SORCS3: variants seen among roughly 807,000 people sequenced by gnomAD.
SORCS3 encodes VPS10 domain-containing receptor SorCS3.
Under a neutral mutation model 146.3 loss-of-function variants are expected in SORCS3, and 57 were observed. The ratio of observed to expected loss-of-function variants is 0.39; its 90% CI spans 0.31 to 0.49. The LOEUF (loss-of-function observed/expected upper bound fraction) is 0.49. SORCS3 is among the 20% of genes least tolerant of loss of function. The pLI is 0.92. For missense variants in SORCS3, 1,341 were observed against 1,575.5 expected, an observed-to-expected ratio of 0.85 and a Z score of 2.52; for synonymous variants, 653 against 618.5, an observed-to-expected ratio of 1.06 and a Z score of -0.83.
At chr10:105,252,947 C>G (rs780686893) in intron 23 of SORCS3, 41 bp downstream of exon 23, 2 of 1,602,896 alleles carry the variant, frequency 1.2e-6, no homozygotes, top group Non-Finnish European at 1.7e-6. Flanking sequence ...TGCCTGCACC[C>G]TACACCCTGA....
intron 23 of SORCS3, among the ~76,000 whole-genome samples, chr10:105,254,672 G>A (rs1261214116): frequency 6.6e-6 from 1 of 151,824 alleles, no homozygotes; most frequent in Non-Finnish European, 1.5e-5. Context: ...GGTGGCACGT[G>A]CCTATAATCC....
chr10:104,963,446 A>T (rs1018622781), intron 3 of SORCS3, among the ~76,000 whole-genome samples: 2 of 152,078 alleles, frequency 1.3e-5, no homozygotes, highest in Non-Finnish European at 2.9e-5. Flanking sequence ...TCTTTCCTTG[A>T]TTTTAAGAGT....
intron 3 of SORCS3, among the ~76,000 whole-genome samples, chr10:104,952,255 G>GAAAAAAA (rs55880149): frequency 2.5e-5 from 1 of 40,622 alleles, no homozygotes; most frequent in Admixed American, 4.8e-4. Context: ...ATGAATGTTT[G>GAAAAAAA]AAAAAAAAAA....
chr10:105,199,988 T>C lies in SORCS3; in HGVS notation c.2010-11T>C. 6.2e-7 allele frequency: 1 copy of C among 1,609,236 alleles called. No individual in the cohort carries two copies. Among genetic ancestry groups the C allele is most frequent in the Non-Finnish European group, 8.5e-7 (1 of 1,175,920 alleles). On this transcript the variant is annotated splice_polypyrimidine_tract_variant and intron_variant, in intron 14 of 26. Coordinates refer to ENST00000369701, the MANE Select transcript of SORCS3 (RefSeq NM_014978.3). Reference sequence around the variant, plus strand: ...CCCCTTGTGTCTCCCACTCCTCCCCTAAACACTTAGAGTTTTTGGCCACTT... The same window carrying C: ...CCCCTTGTGTCTCCCACTCCTCCCCCAAACACTTAGAGTTTTTGGCCACTT...
rs529297223 is a variant in SORCS3, at chr10:105,000,187, G to A, written c.954+22694G>A. On this transcript the variant is annotated intron_variant, in intron 4 of 26. Transcript: ENST00000369701. ...TATTTAGGGTACAGAAGAAAACAGA[G>A]TGGGAATAGAAACTATTAAGTACCT... is the stretch of plus-strand genomic sequence containing the variant. Among the ~76,000 whole-genome samples the A allele has an allele frequency of 1.1e-4, 16 of 152,266 alleles. No homozygotes were observed. The East Asian group carries it at 3.1e-3, about 29-fold the overall frequency.
At chr10:104,858,123 T>C (rs2133558266) in intron 2 of SORCS3, among the ~76,000 whole-genome samples, 1 of 152,354 alleles carries the variant, frequency 6.6e-6, no homozygotes, top group Non-Finnish European at 1.5e-5. Context: ...CTTTTGTGAA[T>C]ATTTAAATTC....
At chr10:105,062,026 G>A (rs2055491307) in intron 5 of SORCS3, among the ~76,000 whole-genome samples, 1 of 152,178 alleles carries the variant, frequency 6.6e-6, no homozygotes, top group African/African-American at 2.4e-5. Flanking sequence ...GGGGATTCAG[G>A]TGGCATCCAC....
chr10:104,641,705 C>A lies in SORCS3; in HGVS notation c.378C>A (p.Gly126=). The change falls in exon 1 of 27, where the codon GGC becomes GGA. Residue 126 remains glycine, a synonymous_variant. Coordinates refer to ENST00000369701, the MANE Select transcript of SORCS3 (RefSeq NM_014978.3). This position sits in a 1 kb window ranked among gnomAD's most constrained non-coding sequence, Gnocchi z 6.4. ...GCATCCCAGCTCCTGCCAAGCTTGG[C>A]GGCGCGAGGAGGAGTCGCCGGGCGC... ...GRGIPAPAKL[G]GARRSRRAQP... 1 of 1,537,418 alleles carries A rather than the reference C, an allele frequency of 6.5e-7. No homozygotes were observed. Among genetic ancestry groups the A allele is most frequent in the South Asian group, 1.2e-5 (1 of 83,060 alleles).
chr10:105,072,287 T>C (rs2055561676), intron 5 of SORCS3, among the ~76,000 whole-genome samples: 1 of 152,162 alleles, frequency 6.6e-6, no homozygotes, highest in Non-Finnish European at 1.5e-5. Flanking sequence ...GTTAGCCCTT[T>C]TAGCAATTGA....
intron 5 of SORCS3, among the ~76,000 whole-genome samples, chr10:105,067,048 T>G (rs1219052703): frequency 2.6e-5 from 4 of 152,232 alleles, no homozygotes; most frequent in Non-Finnish European, 5.9e-5. Flanking sequence ...TTAGGGGTTT[T>G]GCTTCATCCG....
At chr10:105,002,930 G>T (rs1027997104) in intron 4 of SORCS3, among the ~76,000 whole-genome samples, 1 of 152,158 alleles carries the variant, frequency 6.6e-6, no homozygotes, top group Non-Finnish European at 1.5e-5. Context: ...CCATTGTATT[G>T]GCTTTATTTG....
chr10:104,850,694 C>G (rs1162184394), intron 2 of SORCS3, among the ~76,000 whole-genome samples: 1 of 152,236 alleles, frequency 6.6e-6, no homozygotes, highest in Admixed American at 6.5e-5. Context: ...ACTAATTAAT[C>G]AGATTACTCA....
intron 22 of SORCS3, 92 bp downstream of exon 22, chr10:105,247,423 C>A: frequency 3.1e-6 from 2 of 646,578 alleles, no homozygotes; most frequent in Admixed American, 2.7e-5. Context: ...ATTGAAACTG[C>A]ATTCCACAGT....
chr10:105,198,050 A>G (rs1275975417), intron 14 of SORCS3, among the ~76,000 whole-genome samples: 2 of 152,182 alleles, frequency 1.3e-5, no homozygotes, highest in Non-Finnish European at 2.9e-5. Context: ...CACCTGGCTC[A>G]TATTTTCTCA....
In SORCS3 at chr10:105,204,694, C is replaced by T. The variant is rs573981253; in HGVS notation, c.2261+3441C>T. ...TCAGTTTGTGGTCATAATCTCAGAA[C>T]ACAAACAAAAAAAAAACTCACACGA... On this transcript the variant is annotated intron_variant, in intron 16 of 26. Transcript: ENST00000369701. Among the ~76,000 whole-genome samples the T allele has an allele frequency of 6.7e-5, 9 of 133,402 alleles. No individual in the cohort carries two copies. The East Asian group carries it at 1.1e-3, about 17-fold the overall frequency. 87.5% of individuals were successfully genotyped at this position (133,402 alleles called of 152,430 possible). A position where few individuals can be genotyped will look rare whatever the true frequency, so the allele number is the denominator to read the frequency against.
At chr10:104,989,780 G>A (rs1219797634) in intron 4 of SORCS3, among the ~76,000 whole-genome samples, 1 of 152,170 alleles carries the variant, frequency 6.6e-6, no homozygotes. Context: ...GGAAGAGGAG[G>A]CACAATGGGC....
chr10:105,214,365 A>AAAACACAC lies in SORCS3; in HGVS notation c.2376-76_2376-75insAACACACA. Reference sequence around the variant, plus strand: ...TCTTGCTCTCTTACATTCCCTTTATAACACACACACACACACATACAACAG... The same window carrying AAAACACAC: ...TCTTGCTCTCTTACATTCCCTTTATAAAACACACACACACACACACACACATACAACAG... On this transcript the variant is annotated intron_variant, in intron 17 of 26. Transcript: ENST00000369701. 4.9e-6 allele frequency: 7 copies of AAAACACAC among 1,433,094 alleles called. No homozygotes were observed. In the South Asian group the frequency reaches 8.7e-5, roughly 18 times the overall value. The allele number at this position is 1,433,094 out of a possible 1,614,324, so 88.8% of individuals were successfully genotyped here.
chr10:105,131,517 C>T (rs1250350460), intron 7 of SORCS3, among the ~76,000 whole-genome samples: 1 of 152,172 alleles, frequency 6.6e-6, no homozygotes, highest in African/African-American at 2.4e-5. Context: ...GACAATGTAG[C>T]ATTGATTTCT....
At chr10:105,107,706 C>T (rs962341903) in intron 7 of SORCS3, among the ~76,000 whole-genome samples, 4 of 152,246 alleles carry the variant, frequency 2.6e-5, no homozygotes, top group Non-Finnish European at 5.9e-5. Flanking sequence ...ATAGTGAACA[C>T]AACAAAGTTT....
Sources: allele counts gnomAD v4.1 joint callset (sites outside exome capture counted in the v4.1 genomes callset), GRCh38; gene constraint gnomAD v4.1.1; non-coding constraint Gnocchi (gnomAD v3.1); transcripts MANE v1.5; gene names NCBI Gene and HGNC (gene_info 2026-07-23, HGNC 2026-07-21).